The following DTL variants were observed in gnomAD, a reference collection of about 807,000 sequenced individuals.
DTL encodes the protein denticleless E3 ubiquitin protein ligase adapter.
DTL carries 46 observed loss-of-function variants against 87.0 expected under a neutral mutation model. The ratio of observed to expected loss-of-function variants is 0.53; its 90% CI spans 0.42 to 0.68. The LOEUF (loss-of-function observed/expected upper bound fraction) is 0.68. DTL is among the 30% of genes least tolerant of loss of function. DTL has a pLI of 0.00. For synonymous variants in DTL, 308 were observed against 311.2 expected, an observed-to-expected ratio of 0.99 and a Z score of 0.11; for missense variants, 737 against 869.4, an observed-to-expected ratio of 0.85 and a Z score of 1.91.
intron 5 of DTL, among the ~76,000 whole-genome samples, chr1:212,052,458 G>A (rs983974895): frequency 6.6e-6 from 1 of 152,004 alleles, no homozygotes; most frequent in Non-Finnish European, 1.5e-5. Flanking sequence ...CCAACATGAT[G>A]AAATCCCATC....
At chr1:212,071,491 A>T (rs982405092) in intron 10 of DTL, among the ~76,000 whole-genome samples, 16 of 152,122 alleles carry the variant, frequency 1.1e-4, no homozygotes, top group African/African-American at 3.9e-4. Context: ...TAGCTCTTCC[A>T]CCATTCAGTC....
chr1:212,062,913 A>C lies in DTL; in HGVS notation c.490A>C (p.Asn164His), dbSNP rs1220947269. The change falls in exon 6 of 15, where the codon AAC (asparagine) becomes CAC (histidine). Residue 164 changes from asparagine (N) to histidine (H), a missense_variant. By Grantham distance (68) the Asn-to-His change is moderately conservative (BLOSUM62 1). Transcript: ENST00000366991. ...ATTCTGTACGGGTGGAAGAGATGGCAACATTATGGTCTGGGATACCAGGTG... is the reference window on the plus strand; with the variant it reads ...ATTCTGTACGGGTGGAAGAGATGGCCACATTATGGTCTGGGATACCAGGTG... The part of the protein sequence containing the change: ...AVFCTGGRDG[N>H]IMVWDTRCNK... 6.2e-7 allele frequency: 1 copy of C among 1,613,820 alleles called. No homozygotes were observed. The highest frequency in any genetic ancestry group is 8.5e-7 in the Non-Finnish European group (1 of 1,179,754).
At chr1:212,061,203 A>G (rs1286525808) in intron 5 of DTL, among the ~76,000 whole-genome samples, 3 of 151,830 alleles carry the variant, frequency 2.0e-5, no homozygotes, top group African/African-American at 7.3e-5. Flanking sequence ...AGCGGTGATT[A>G]CATCGCTGTA....
intron 9 of DTL, 61 bp downstream of exon 9, chr1:212,068,388 G>T: frequency 1.1e-6 from 1 of 907,244 alleles, no homozygotes; most frequent in Non-Finnish European, 1.7e-6. Context: ...AAAAAAAAAA[G>T]GCTAATTTCC....
chr1:212,042,641 C>T (rs1278754547), intron 1 of DTL, among the ~76,000 whole-genome samples: 2 of 152,274 alleles, frequency 1.3e-5, no homozygotes, highest in Non-Finnish European at 1.5e-5. Flanking sequence ...AAGGGGATAG[C>T]AGTTTTAATG....
At chr1:212,060,520 G>A (rs1180683475) in intron 5 of DTL, among the ~76,000 whole-genome samples, 9 of 152,102 alleles carry the variant, frequency 5.9e-5, no homozygotes, top group Non-Finnish European at 1.3e-4. Context: ...TGGATTGCCT[G>A]AGCTCAGGAG....
intron 1 of DTL, among the ~76,000 whole-genome samples, chr1:212,042,688 G>T (rs1667690351): frequency 6.6e-6 from 1 of 152,184 alleles, no homozygotes; most frequent in African/African-American, 2.4e-5. Context: ...TAGGAGAAGG[G>T]GGAAGATCTT....
At chr1:212,049,100 T>A (rs1667888485) in intron 5 of DTL, among the ~76,000 whole-genome samples, 1 of 152,180 alleles carries the variant, frequency 6.6e-6, no homozygotes, top group Non-Finnish European at 1.5e-5. Flanking sequence ...TTTTTGTATT[T>A]TTAGTAGAGA....
intron 1 of DTL, among the ~76,000 whole-genome samples, chr1:212,040,131 A>G (rs1264615017): frequency 6.6e-6 from 1 of 152,260 alleles, no homozygotes; most frequent in Non-Finnish European, 1.5e-5. Flanking sequence ...ATAATTGTAC[A>G]AAATATTTTA....
At chr1:212,089,275 A>G (rs79966442) in intron 13 of DTL, among the ~76,000 whole-genome samples, 3,087 of 152,356 alleles carry the variant, frequency 0.02, 33 homozygotes, top group African/African-American at 0.026. Context: ...ATGGCATGCC[A>G]TATTTAAATG....
chr1:212,084,310 T>C (rs1040110610), intron 13 of DTL, among the ~76,000 whole-genome samples: 1 of 151,614 alleles, frequency 6.6e-6, no homozygotes, highest in Non-Finnish European at 1.5e-5. Flanking sequence ...CTCAGCCTCC[T>C]GAGTAGCTGG....
At chr1:212,082,771 G>C (rs1466626392) in intron 13 of DTL, among the ~76,000 whole-genome samples, 1 of 152,086 alleles carries the variant, frequency 6.6e-6, no homozygotes, top group Non-Finnish European at 1.5e-5. Context: ...GATTTTAGAA[G>C]AGATAAGAAA....
intron 13 of DTL, among the ~76,000 whole-genome samples, chr1:212,099,869 C>T (rs1655564213): frequency 6.6e-6 from 1 of 152,150 alleles, no homozygotes; most frequent in East Asian, 1.9e-4. Context: ...AGTCCTGCCT[C>T]CTATCTGCCA....
chr1:212,066,764 A>G, intron 7 of DTL, 48 bp from the exon 8 acceptor site: 1 of 1,576,740 alleles, frequency 6.3e-7, no homozygotes, highest in Non-Finnish European at 8.7e-7. Context: ...TTGATGGTAA[A>G]GATTATGATG....
rs770556105 is a variant in DTL, at chr1:212,100,449, T to C, written c.1459T>C (p.Ser487Pro). 10 of 1,613,842 alleles carry C rather than the reference T, an allele frequency of 6.2e-6. No individual in the cohort carries two copies. The highest frequency in any genetic ancestry group is 7.6e-6 in the Non-Finnish European group (9 of 1,179,982). Residue 487 changes from serine to proline, a missense_variant, in exon 14 of 15, where the codon TCC (serine) becomes CCC (proline). By Grantham distance (74) the Ser-to-Pro change is moderately conservative. Coordinates refer to ENST00000366991, the MANE Select transcript of DTL (RefSeq NM_016448.4). The part of the protein sequence containing the change: ...RSPINRRGSV[S>P]SVSPKPPSSF... ...TCCCATCAACAGAAGAGGCTCTGTC[T>C]CCTCCGTCTCTCCCAAGCCACCTTC...
At chr1:212,050,828 C>T (rs1468132558) in intron 5 of DTL, among the ~76,000 whole-genome samples, 1 of 152,144 alleles carries the variant, frequency 6.6e-6, no homozygotes, top group Non-Finnish European at 1.5e-5. Flanking sequence ...CTATTTTCCA[C>T]ATCTAGCCCT....
Position 212,062,901 on chromosome 1 carries a change from G to A in DTL, c.478G>A (p.Gly160Arg). The part of the protein sequence containing the change: ...KFEKAVFCTG[G>R]RDGNIMVWDT... ...CCCCACAGCTGTATTCTGTACGGGT[G>A]GAAGAGATGGCAACATTATGGTCTG... The change falls in exon 6 of 15, where the codon GGA (glycine) becomes AGA (arginine). Residue 160 changes from glycine (G) to arginine (R), a missense_variant. Gly to Arg is a moderately radical substitution (Grantham distance 125). Transcript: ENST00000366991. 1 of 1,613,594 alleles carries A rather than the reference G, an allele frequency of 6.2e-7. No individual in the cohort carries two copies. The highest frequency in any genetic ancestry group is 8.5e-7 in the Non-Finnish European group (1 of 1,179,592).
At chr1:212,042,798 G>A (rs1290233925) in intron 1 of DTL, among the ~76,000 whole-genome samples, 195 bp from the exon 2 acceptor site, 1 of 152,094 alleles carries the variant, frequency 6.6e-6, no homozygotes, top group East Asian at 1.9e-4. Flanking sequence ...CCCAGAAGTT[G>A]GAAGTGCTCT....
intron 5 of DTL, among the ~76,000 whole-genome samples, chr1:212,056,766 T>C (rs1003879956): frequency 9.9e-5 from 15 of 151,856 alleles, no homozygotes; most frequent in African/African-American, 3.6e-4. Flanking sequence ...ATTGAGGAAA[T>C]GAATGAGGAA....
Sources: gnomAD v4.1 joint callset for allele counts (sites outside exome capture counted in the v4.1 genomes callset) on GRCh38, gnomAD v4.1.1 for gene constraint, MANE v1.5 for transcripts, NCBI Gene and HGNC (gene_info 2026-07-23, HGNC 2026-07-21) for gene names.